The following ELAPOR1 variants were observed in gnomAD, a reference collection of about 807,000 sequenced individuals.
The protein encoded by ELAPOR1 is endosome/lysosome-associated apoptosis and autophagy regulator 1.
Under a neutral mutation model 119.7 loss-of-function variants are expected in ELAPOR1, and 77 were observed. The ratio of observed to expected loss-of-function variants is 0.64; its 90% confidence interval spans 0.54 to 0.78. The LOEUF is 0.78. Ranked by LOEUF, ELAPOR1 falls within the 30% of genes least tolerant of loss-of-function variation. The probability of loss-of-function intolerance (pLI) is 0.00; values close to 1 mark genes in which losing one functional copy is unlikely to be tolerated. For synonymous variants in ELAPOR1, 481 were observed against 487.2 expected, an observed-to-expected ratio of 0.99 and a Z score of 0.17; for missense variants, 1,115 against 1,270.4, an observed-to-expected ratio of 0.88 and a Z score of 1.86.
chr1:109,177,465 C>A (rs540335947), intron 7 of ELAPOR1, among the ~76,000 whole-genome samples: 1 of 131,320 alleles, frequency 7.6e-6, no homozygotes, highest in Non-Finnish European at 1.6e-5. Flanking sequence ...GATGGGTGGC[C>A]GGGCAGAGAC....
At chr1:109,177,525 T>G in intron 7 of ELAPOR1, among the ~76,000 whole-genome samples, 1 of 137,288 alleles carries the variant, frequency 7.3e-6, no homozygotes, top group African/African-American at 3.0e-5. Context: ...CGCTCCTCAC[T>G]TCCCAGACGG....
intron 1 of ELAPOR1, among the ~76,000 whole-genome samples, chr1:109,114,546 T>C (rs538353367): frequency 1.6e-4 from 25 of 151,886 alleles, no homozygotes; most frequent in African/African-American, 5.8e-4. Flanking sequence ...TCCTCACAGA[T>C]TGGGATGCTG....
chr1:109,137,738 T>C (rs917445757), intron 1 of ELAPOR1, among the ~76,000 whole-genome samples: 5 of 143,644 alleles, frequency 3.5e-5, no homozygotes, highest in African/African-American at 5.2e-5. Context: ...ATGTTGGTCA[T>C]GCTGATCTCA....
chr1:109,203,053 C>G lies in ELAPOR1; in HGVS notation c.*41C>G. On this transcript the variant is annotated 3_prime_UTR_variant, in exon 22 of 22. Coordinates refer to ENST00000369939, the MANE Select transcript of ELAPOR1 (RefSeq NM_020775.5). The stretch of plus-strand genomic sequence containing the variant: ...TCACCTGCCTCCTCACCTTGCATAG[C>G]ACCTTTGCAAGCCTGCGGCGATTTG... 4.9e-6 allele frequency: 7 copies of G among 1,419,756 alleles called. No homozygotes were observed. Among genetic ancestry groups the G allele is most frequent in the Non-Finnish European group, 6.9e-6 (7 of 1,009,616 alleles). 87.9% of individuals were successfully genotyped at this position (1,419,756 alleles called of 1,614,324 possible). A position where few individuals can be genotyped will look rare whatever the true frequency, so the allele number is the denominator to read the frequency against.
At position 109,204,438 on chromosome 1, in the gene ELAPOR1, G is replaced by A. The variant is rs587805; in HGVS notation, c.*1426G>A. ...CCCAGATGTTCCAGCCTTATCCTCT[G>A]TTGGGTTTACCCACAGACATAGCAA... On this transcript the variant is annotated 3_prime_UTR_variant, in exon 22 of 22. Coordinates refer to ENST00000369939, the MANE Select transcript of ELAPOR1 (RefSeq NM_020775.5). 0.99 allele frequency: 150,543 copies of A among 152,366 alleles called. 74,395 individuals carry two copies. The highest frequency in any genetic ancestry group is 1 in the Middle Eastern group (294 of 294). The allele number at this position is 152,366 out of a possible 1,614,324, so 9.4% of individuals were successfully genotyped here.
chr1:109,160,581 C>T (rs906939741), intron 1 of ELAPOR1, among the ~76,000 whole-genome samples: 18 of 152,262 alleles, frequency 1.2e-4, no homozygotes, highest in South Asian at 4.1e-4. Flanking sequence ...TTGATCCTGA[C>T]GCATTATTAG....
intron 1 of ELAPOR1, among the ~76,000 whole-genome samples, chr1:109,138,514 A>C (rs1262319079): frequency 1.3e-5 from 2 of 150,236 alleles, no homozygotes; most frequent in Non-Finnish European, 3.0e-5. Context: ...TGTGAGGCCT[A>C]GATAAAATGT....
chr1:109,136,203 G>T (rs999648752), intron 1 of ELAPOR1, among the ~76,000 whole-genome samples: 5 of 152,084 alleles, frequency 3.3e-5, no homozygotes, highest in Admixed American at 1.3e-4. Context: ...TTGGAAATGG[G>T]GTCTTTGCGG....
intron 1 of ELAPOR1, among the ~76,000 whole-genome samples, chr1:109,127,853 T>G (rs983968923): frequency 1.3e-5 from 2 of 151,410 alleles, no homozygotes; most frequent in Non-Finnish European, 2.9e-5. Flanking sequence ...CATGAGCCAC[T>G]GCACCCGGCC....
In ELAPOR1 at chr1:109,191,516, G is replaced by A. The variant is rs749616402; in HGVS notation, c.1545+45G>A. ...CCCGCTAGAGGGCCTCCAGGGGAGG[G>A]TTAGCCCCATCTGCCCCATTGGTGT... On this transcript the variant is annotated intron_variant, in intron 12 of 21. Coordinates refer to ENST00000369939, the MANE Select transcript of ELAPOR1 (RefSeq NM_020775.5). 156 of 1,552,812 alleles carry A rather than the reference G, an allele frequency of 1.0e-4. 1 individual carries two copies. In the South Asian group the frequency reaches 1.7e-3, roughly 17 times the overall value.
chr1:109,189,583 C>T lies in ELAPOR1; in HGVS notation c.1349-9C>T, dbSNP rs1208040338. ...GCACAAGGCATTAACTCTCCTCTTT[C>T]CTTTTCAGGCTGGGAGGTGGCTGGT... On this transcript the variant is annotated splice_polypyrimidine_tract_variant and intron_variant, in intron 10 of 21. Transcript: ENST00000369939. 13 of 1,613,250 alleles carry T rather than the reference C, an allele frequency of 8.1e-6. No homozygotes were observed. The highest frequency in any genetic ancestry group is 1.0e-5 in the Non-Finnish European group (12 of 1,179,442).
intron 7 of ELAPOR1, among the ~76,000 whole-genome samples, chr1:109,175,632 G>A (rs1652224121): frequency 6.6e-6 from 1 of 150,482 alleles, no homozygotes; most frequent in Non-Finnish European, 1.5e-5. Flanking sequence ...TTCAAGACCA[G>A]GCTGGCCAAC....
In ELAPOR1 at chr1:109,188,160, T is replaced by C. The variant is rs753453174; in HGVS notation, c.1042-17T>C. 3 of 1,591,878 alleles carry C rather than the reference T, an allele frequency of 1.9e-6. No individual in the cohort carries two copies. The highest frequency in any genetic ancestry group is 2.6e-6 in the Non-Finnish European group (3 of 1,163,148). On this transcript the variant is annotated splice_polypyrimidine_tract_variant and intron_variant, in intron 8 of 21. Coordinates refer to ENST00000369939, the MANE Select transcript of ELAPOR1 (RefSeq NM_020775.5). The stretch of plus-strand genomic sequence containing the variant: ...AAATCTCACACAGGCTGAGTTGTGC[T>C]TAATCCATTTCTGCAGACACAACTC...
chr1:109,150,575 G>A (rs1204622736), intron 1 of ELAPOR1, among the ~76,000 whole-genome samples: 1 of 152,186 alleles, frequency 6.6e-6, no homozygotes, highest in African/African-American at 2.4e-5. Context: ...GACCCTATGC[G>A]TCTGCCTCGG....
chr1:109,199,245 T>G (rs1654014992), intron 18 of ELAPOR1, among the ~76,000 whole-genome samples: 1 of 151,968 alleles, frequency 6.6e-6, no homozygotes, highest in African/African-American at 2.4e-5. Flanking sequence ...GGACACCCCC[T>G]CCCCTCCCCG....
chr1:109,128,617 G>A (rs927877790), intron 1 of ELAPOR1, among the ~76,000 whole-genome samples: 8 of 152,214 alleles, frequency 5.3e-5, no homozygotes, highest in African/African-American at 1.9e-4. Flanking sequence ...GTAGGCCTGA[G>A]CCTTTCTGGT....
intron 3 of ELAPOR1, among the ~76,000 whole-genome samples, chr1:109,169,660 C>T (rs1258544897): frequency 1.3e-5 from 2 of 152,208 alleles, no homozygotes; most frequent in Non-Finnish European, 2.9e-5. Flanking sequence ...AACCCTGTGA[C>T]TCCCCACTAT....
chr1:109,158,064 G>GTTTA (rs1650992377), intron 1 of ELAPOR1, among the ~76,000 whole-genome samples: 1 of 151,844 alleles, frequency 6.6e-6, no homozygotes, highest in Non-Finnish European at 1.5e-5. Context: ...ATTTTTGTAT[G>GTTTA]TTTAGTAGAG....
At chr1:109,141,845 T>C (rs922365111) in intron 1 of ELAPOR1, among the ~76,000 whole-genome samples, 13 of 151,740 alleles carry the variant, frequency 8.6e-5, no homozygotes, top group Admixed American at 2.0e-4. Context: ...TTTTTTTTTT[T>C]CTAGAGATGG....
Sources: gnomAD v4.1 joint callset for allele counts (sites outside exome capture counted in the v4.1 genomes callset) on GRCh38, gnomAD v4.1.1 for gene constraint, MANE v1.5 for transcripts, NCBI Gene and HGNC (gene_info 2026-07-23, HGNC 2026-07-21) for gene names.